Variants in CAPRIN1 observed in about 807,000 individuals in gnomAD.
CAPRIN1 encodes caprin-1.
In CAPRIN1, 29 loss-of-function variants were observed where a neutral mutation model predicts 100.9. The ratio of observed to expected loss-of-function variants is 0.29; its 90% CI spans 0.21 to 0.39. The LOEUF (loss-of-function observed/expected upper bound fraction) is 0.39. Among genes scored for constraint, CAPRIN1 ranks in the 10% least tolerant of loss-of-function variants. The pLI is 1.00. For synonymous variants in CAPRIN1, 338 were observed against 307.5 expected, an observed-to-expected ratio of 1.10 and a Z score of -1.04; for missense variants, 795 against 876.7, an observed-to-expected ratio of 0.91 and a Z score of 1.18.
chr11:34,098,101 G>T, intron 18 of CAPRIN1: 1 of 1,021,958 alleles, frequency 9.8e-7, no homozygotes. Flanking sequence ...AGACATTTTT[G>T]GAATGAGATT....
Position 34,091,933 on chromosome 11 carries a change from C to A in CAPRIN1, c.1582C>A (p.Pro528Thr). The A allele has an allele frequency of 6.2e-7, 1 of 1,613,670 alleles. No individual in the cohort carries two copies. Among genetic ancestry groups the A allele is most frequent in the Non-Finnish European group, 8.5e-7 (1 of 1,179,852 alleles). Residue 528 changes from proline (P) to threonine (T), a missense_variant, in exon 15 of 19, where the codon CCT (proline) becomes ACT (threonine). Physicochemically the swap from Pro to Thr is conservative, Grantham distance 38 (BLOSUM62 -1). This residue lies in a region of CAPRIN1 where 648 missense variants were observed against 697.9 expected (regional missense o/e 0.93). Transcript: ENST00000341394. Reference protein sequence around the residue: ...TVFNMNAPVPPVNEPETLKQQ... With the variant: ...TVFNMNAPVPTVNEPETLKQQ... ...GTTCAATATGAATGCCCCAGTTCCT[C>A]CTGTTAATGAACCAGAAACTTTAAA...
intron 4 of CAPRIN1, among the ~76,000 whole-genome samples, chr11:34,074,214 A>G (rs1053385832): frequency 2.6e-5 from 4 of 152,224 alleles, no homozygotes; most frequent in African/African-American, 9.7e-5. Context: ...TTAAAATAGA[A>G]GCAGGATTGC....
At chr11:34,052,022 C>A (rs1452061182) in intron 1 of CAPRIN1, 151 bp downstream of exon 1, 4 of 151,590 alleles carry the variant, frequency 2.6e-5, no homozygotes, top group Non-Finnish European at 4.4e-5. Context: ...TCTCTGCCCC[C>A]AAGCCCCGAC....
intron 12 of CAPRIN1, 161 bp from the exon 13 acceptor site, chr11:34,090,017 GT>G: frequency 4.5e-6 from 2 of 443,574 alleles, no homozygotes. Context: ...CAATTTTTAG[GT>G]TTTATATTAT....
intron 9 of CAPRIN1, among the ~76,000 whole-genome samples, chr11:34,084,374 T>TC (rs1360907537): frequency 6.6e-6 from 1 of 152,136 alleles, no homozygotes; most frequent in Non-Finnish European, 1.5e-5. Context: ...AAAATACTGC[T>TC]CAGGAAGTCC....
intron 1 of CAPRIN1, 113 bp from the exon 2 acceptor site, chr11:34,052,308 G>C (rs1289229341): frequency 1.1e-6 from 1 of 899,562 alleles, no homozygotes; most frequent in African/African-American, 1.8e-5. Context: ...CCACCCGCTC[G>C]CGTAGGCTAC....
At chr11:34,069,418 G>A (rs1017718165) in intron 2 of CAPRIN1, among the ~76,000 whole-genome samples, 20 of 151,942 alleles carry the variant, frequency 1.3e-4, no homozygotes, top group Non-Finnish European at 1.5e-5. Flanking sequence ...AAAATGCTGG[G>A]ATTACAGGTG....
intron 4 of CAPRIN1, 72 bp from the exon 5 acceptor site, chr11:34,076,164 C>A: frequency 9.6e-7 from 1 of 1,044,240 alleles, no homozygotes; most frequent in Non-Finnish European, 1.4e-6. Flanking sequence ...TTTATTTAAG[C>A]TGGACCTGAA....
chr11:34,052,088 G>A lies in CAPRIN1; in HGVS notation c.-1+217G>A, dbSNP rs1478587478. The A allele has an allele frequency of 8.6e-5, 13 of 151,436 alleles. No homozygotes were observed. The East Asian group carries it at 2.2e-3, about 25-fold the overall frequency. The allele number at this position is 151,436 out of a possible 1,614,324, so 9.4% of individuals were successfully genotyped here. A position where few individuals can be genotyped will look rare whatever the true frequency, so the allele number is the denominator to read the frequency against. On this transcript the variant is annotated intron_variant, in intron 1 of 18. Transcript: ENST00000341394. ...GCAAAAGCCGGCCCTCCCCGGTAGG[G>A]ACCGTTGCAGTGGCCGTTGGCGGCC...
chr11:34,099,427 G>A lies in CAPRIN1; in HGVS notation c.*60G>A, dbSNP rs375220671. 2.6e-5 allele frequency: 34 copies of A among 1,322,154 alleles called. No homozygotes were observed. In the African/African-American group the frequency reaches 4.6e-4, roughly 18 times the overall value. The allele number at this position is 1,322,154 out of a possible 1,614,324, so 81.9% of individuals were successfully genotyped here. Reference sequence around the variant, plus strand: ...CACACTGGCCAGTGTACCATAATATGTTACCAGAAGAGTTATTATCTATTT... The same window carrying A: ...CACACTGGCCAGTGTACCATAATATATTACCAGAAGAGTTATTATCTATTT... On this transcript the variant is annotated 3_prime_UTR_variant, in exon 19 of 19. Coordinates refer to ENST00000341394, the MANE Select transcript of CAPRIN1 (RefSeq NM_005898.5).
Position 34,082,975 on chromosome 11 carries a change from G to A in CAPRIN1, c.900G>A (p.Met300Ile), listed in dbSNP as rs1335386263. 6.2e-7 allele frequency: 1 copy of A among 1,614,070 alleles called. No homozygotes were observed. Among genetic ancestry groups the A allele is most frequent in the Admixed American group, 1.7e-5 (1 of 60,022 alleles). ...ESTEYVNRQF[M>I]AETQFTSGEK... ...TGCAGTATGTAAATAGACAGTTCAT[G>A]GCAGAAACACAGTTCACCAGTGGTG... Residue 300 changes from methionine (M) to isoleucine (I), a missense_variant, in exon 9 of 19, where the codon ATG becomes ATA. By Grantham distance (10) the Met-to-Ile change is conservative. This residue lies in a region of CAPRIN1 where 648 missense variants were observed against 697.9 expected (regional missense o/e 0.93). Transcript: ENST00000341394.
intron 2 of CAPRIN1, among the ~76,000 whole-genome samples, chr11:34,065,039 A>G (rs892643599): frequency 4.1e-5 from 6 of 146,892 alleles, no homozygotes; most frequent in African/African-American, 1.3e-4. Context: ...GGCTCACTGC[A>G]AGCTCCACCT....
rs774042411 is a variant in CAPRIN1 at position 34,091,890 on chromosome 11, C to CT, written c.1555-13dup. ...AATAAAAGGATGAACTAATCATTTA[C>CT]TTTATTTACTAACAGGTGTTCAATA... is the stretch of plus-strand genomic sequence containing the variant. On this transcript the variant is annotated splice_polypyrimidine_tract_variant and intron_variant, in intron 14 of 18. Transcript: ENST00000341394. 24 of 1,599,688 alleles carry CT rather than the reference C, an allele frequency of 1.5e-5. No homozygotes were observed. The African/African-American group carries it at 3.2e-4, about 22-fold the overall frequency.
intron 7 of CAPRIN1, among the ~76,000 whole-genome samples, chr11:34,080,622 A>T (rs1851009162): frequency 6.6e-6 from 1 of 152,238 alleles, no homozygotes; most frequent in Admixed American, 6.5e-5. Context: ...TACTTTTATG[A>T]TAACTCTTAT....
intron 2 of CAPRIN1, among the ~76,000 whole-genome samples, chr11:34,059,267 A>G (rs1290482675): frequency 1.4e-5 from 2 of 146,568 alleles, no homozygotes; most frequent in East Asian, 4.0e-4. Context: ...ACTTCTTGAC[A>G]TTGTTTTTTT....
chr11:34,091,883 T>G, intron 14 of CAPRIN1, 23 bp from the exon 15 acceptor site: 1 of 1,595,788 alleles, frequency 6.3e-7, no homozygotes, highest in Non-Finnish European at 8.5e-7. Context: ...GATGAACTAA[T>G]CATTTACTTT....
chr11:34,071,876 A>G (rs1850810245), intron 3 of CAPRIN1, 25 bp from the exon 4 acceptor site: 1 of 1,602,166 alleles, frequency 6.2e-7, no homozygotes. Context: ...CTTTCCAGTA[A>G]AGTTTGGGTT....
Position 34,086,118 on chromosome 11 carries a change from C to T in CAPRIN1, c.1021C>T (p.Pro341Ser). 1 of 1,614,038 alleles carries T rather than the reference C, an allele frequency of 6.2e-7. No homozygotes were observed. The stretch of plus-strand genomic sequence containing the variant: ...GGCTGCATCCCCTTCAGTACCAGAG[C>T]CCCACTCTTTGACTCCAGTGGCTCA... ...PQAASPSVPE[P>S]HSLTPVAQAD... The change falls in exon 10 of 19, where the codon CCC (proline) becomes TCC (serine). Residue 341 changes from proline to serine, a missense_variant. Pro to Ser is a moderately conservative substitution (Grantham distance 74, BLOSUM62 -1). Around this residue, in one of 3 missense-constraint regions of CAPRIN1, gnomAD observed 648 missense variants for 697.9 expected, o/e 0.93. Transcript: ENST00000341394.
rs928896868 is a variant in CAPRIN1 at position 34,087,402 on chromosome 11, C to G, written c.1231+989C>G. 2.8e-5 allele frequency among the ~76,000 whole-genome samples: 3 copies of G among 106,818 alleles called. No individual in the cohort carries two copies. The Admixed American group carries it at 3.0e-4, about 11-fold the overall frequency. The allele number at this position is 106,818 out of a possible 152,430, so 70.1% of individuals were successfully genotyped here. On this transcript the variant is annotated intron_variant, in intron 11 of 18. Coordinates refer to ENST00000341394, the MANE Select transcript of CAPRIN1 (RefSeq NM_005898.5). ...AGGCTGGAGTGCAGTGGCGCAATCT[C>G]GGCTCACTGCAAGCTCCGCCTCCCG...
Sources: allele counts gnomAD v4.1 joint callset (sites outside exome capture counted in the v4.1 genomes callset), GRCh38; gene constraint gnomAD v4.1.1; regional missense constraint gnomAD v4.1.1; transcripts MANE v1.5; gene names NCBI Gene and HGNC (gene_info 2026-07-23, HGNC 2026-07-21).